GPR158: variants seen among roughly 807,000 people sequenced by gnomAD.
GPR158 encodes the protein G protein-coupled receptor 158, also known as metabotropic glycine receptor.
Under a neutral mutation model 78.2 loss-of-function variants are expected in GPR158, and 30 were observed. The observed-to-expected ratio is 0.38, with a 90% CI of 0.29 to 0.52. GPR158 has a LOEUF of 0.52. GPR158 is among the 20% of genes least tolerant of loss of function. The probability of loss-of-function intolerance (pLI) is 0.83; values close to 1 mark genes in which losing one functional copy is unlikely to be tolerated. For synonymous variants in GPR158, 581 were observed against 591.1 expected, an observed-to-expected ratio of 0.98 and a Z score of 0.25; for missense variants, 1,463 against 1,523.5, an observed-to-expected ratio of 0.96 and a Z score of 0.66.
intron 6 of GPR158, among the ~76,000 whole-genome samples, chr10:25,570,154 G>A (rs960829148): frequency 2.0e-5 from 3 of 152,078 alleles, no homozygotes; most frequent in African/African-American, 4.8e-5. Context: ...ATTGGAACTG[G>A]CAAAAATATT....
intron 2 of GPR158, among the ~76,000 whole-genome samples, chr10:25,392,417 TAATGTGCCTA>T (rs1834312606): frequency 1.3e-5 from 2 of 152,204 alleles, no homozygotes; most frequent in African/African-American, 4.8e-5. Flanking sequence ...TGAGTGGGCA[TAATGTGCCTA>T]GCAGGCCAGA....
In GPR158 at chr10:25,204,776, C is replaced by G. The variant is rs993458183; in HGVS notation, c.903-16276C>G. Among the ~76,000 whole-genome samples the G allele has an allele frequency of 3.1e-4, 45 of 147,128 alleles. 1 individual carries two copies. Among genetic ancestry groups the G allele is most frequent in the African/African-American group, 1.1e-3 (45 of 39,634 alleles). The stretch of plus-strand genomic sequence containing the variant: ...AATCCATTTTTTAAAAAATAAGTTT[C>G]CTAGTTTGTGTGCACAGAGGTGTTC... On this transcript the variant is annotated intron_variant, in intron 1 of 10. Transcript: ENST00000376351.
chr10:25,275,464 A>G (rs1854171494), intron 2 of GPR158, among the ~76,000 whole-genome samples: 2 of 152,214 alleles, frequency 1.3e-5, no homozygotes, highest in African/African-American at 4.8e-5. Context: ...AACTACTACA[A>G]TAGCAGAAGA....
intron 2 of GPR158, among the ~76,000 whole-genome samples, chr10:25,240,968 TC>T (rs759909664): frequency 3.9e-5 from 6 of 152,184 alleles, no homozygotes; most frequent in South Asian, 2.1e-4. Context: ...TAAGATGGAT[TC>T]CTCTTGTTTT....
intron 7 of GPR158, among the ~76,000 whole-genome samples, chr10:25,580,988 A>C (rs113113066): frequency 6.9e-6 from 1 of 144,134 alleles, no homozygotes; most frequent in African/African-American, 2.5e-5. Flanking sequence ...GCAGTGGCGC[A>C]ATCTCGGCTC....
chr10:25,346,621 G>T (rs1225796340), intron 2 of GPR158, among the ~76,000 whole-genome samples: 7 of 151,842 alleles, frequency 4.6e-5, no homozygotes, highest in Non-Finnish European at 8.8e-5. Context: ...TTAGGTAAGA[G>T]ATTAAATTGA....
intron 2 of GPR158, among the ~76,000 whole-genome samples, chr10:25,357,907 C>T (rs1855575376): frequency 6.6e-6 from 1 of 152,118 alleles, no homozygotes. Context: ...GCTGCAGACA[C>T]TCAACAGCAG....
At chr10:25,258,752 A>G (rs1853924700) in intron 2 of GPR158, among the ~76,000 whole-genome samples, 1 of 152,114 alleles carries the variant, frequency 6.6e-6, no homozygotes, top group African/African-American at 2.4e-5. Flanking sequence ...CTATTGAACA[A>G]TGCAGGGATA....
At chr10:25,554,739 C>A (rs1836765798) in intron 6 of GPR158, among the ~76,000 whole-genome samples, 1 of 152,060 alleles carries the variant, frequency 6.6e-6, no homozygotes, top group Non-Finnish European at 1.5e-5. Context: ...ACAGTTGCAC[C>A]AAGTTGGGGT....
chr10:25,500,104 A>ATGAACTTTTCACTTACATG (rs534520267), intron 5 of GPR158, among the ~76,000 whole-genome samples: 26 of 152,372 alleles, frequency 1.7e-4, no homozygotes, highest in South Asian at 4.1e-4. Context: ...TCACTTACAT[A>ATGAACTTTTCACTTACATG]TGAACTTTTC....
chr10:25,343,968 G>C (rs1355013710), intron 2 of GPR158, among the ~76,000 whole-genome samples: 1 of 151,924 alleles, frequency 6.6e-6, no homozygotes, highest in Non-Finnish European at 1.5e-5. Flanking sequence ...GGTCATAGAG[G>C]CTAGGGTATA....
chr10:25,210,899 C>T (rs1006902247), intron 1 of GPR158, among the ~76,000 whole-genome samples: 11 of 151,974 alleles, frequency 7.2e-5, no homozygotes, highest in Non-Finnish European at 1.2e-4. Context: ...TTTGGGAGGC[C>T]GAGGTGGGTG....
intron 5 of GPR158, among the ~76,000 whole-genome samples, chr10:25,490,685 T>G (rs1484954902): frequency 1.4e-5 from 2 of 140,454 alleles, no homozygotes; most frequent in Non-Finnish European, 3.1e-5. Context: ...CTTAATCCAG[T>G]CTATCATTGT....
At chr10:25,214,742 T>G (rs550304154) in intron 1 of GPR158, among the ~76,000 whole-genome samples, 51 of 151,884 alleles carry the variant, frequency 3.4e-4, no homozygotes, top group Non-Finnish European at 6.5e-4. Context: ...GATGTCCTTA[T>G]AAGAAATGAG....
chr10:25,353,709 A>C (rs74123875), intron 2 of GPR158, among the ~76,000 whole-genome samples: 14,318 of 152,040 alleles, frequency 0.094, 1,640 homozygotes, highest in African/African-American at 0.28. Context: ...ATTTTATGGA[A>C]TATCTTTTTC....
intron 2 of GPR158, among the ~76,000 whole-genome samples, chr10:25,252,606 G>A (rs1316102372): frequency 6.6e-6 from 1 of 151,990 alleles, no homozygotes; most frequent in Non-Finnish European, 1.5e-5. Flanking sequence ...GCTGGGGGGT[G>A]CCTCCCAGTT....
intron 4 of GPR158, among the ~76,000 whole-genome samples, chr10:25,418,271 T>C (rs1431238154): frequency 6.6e-6 from 1 of 152,198 alleles, no homozygotes; most frequent in Non-Finnish European, 1.5e-5. Context: ...AAATATCAAC[T>C]CAATAGTAAT....
At chr10:25,302,238 ATTTTTTTT>A (rs58156960) in intron 2 of GPR158, among the ~76,000 whole-genome samples, 11 of 133,966 alleles carry the variant, frequency 8.2e-5, no homozygotes, top group South Asian at 2.4e-4. Context: ...TGCCTGGCTA[ATTTTTTTT>A]TTTTTTTTTT....
intron 2 of GPR158, among the ~76,000 whole-genome samples, chr10:25,351,426 G>A (rs1324227336): frequency 1.3e-5 from 2 of 148,620 alleles, no homozygotes; most frequent in Admixed American, 6.8e-5. Context: ...AACTGGAGTT[G>A]GGGGTGGGGG....
Sources: allele counts gnomAD v4.1 joint callset (sites outside exome capture counted in the v4.1 genomes callset), GRCh38; gene constraint gnomAD v4.1.1; transcripts MANE v1.5; gene names NCBI Gene and HGNC (gene_info 2026-07-23, HGNC 2026-07-21).